The following ALMS1 variants were observed in gnomAD, a reference collection of about 807,000 sequenced individuals.
ALMS1 encodes ALMS1 centrosome and basal body associated protein.
A neutral mutation model predicts 352.2 loss-of-function variants in ALMS1; 271 were observed. That is an observed-to-expected ratio of 0.77 (90% CI 0.70 to 0.85). The LOEUF (loss-of-function observed/expected upper bound fraction) is 0.85, where lower values mean the gene tolerates loss of function less well. Ranked by LOEUF, ALMS1 falls within the 40% of genes least tolerant of loss-of-function variation. The pLI is 0.00. For synonymous variants in ALMS1, 1,865 were observed against 1,761.2 expected (o/e 1.06, Z -1.48); for missense variants, 5,445 against 4,870.7 (o/e 1.12, Z -3.51).
At chr2:73,413,356 T>C (rs1671117529) in intron 2 of ALMS1, among the ~76,000 whole-genome samples, 1 of 152,226 alleles carries the variant, frequency 6.6e-6, no homozygotes, top group Admixed American at 6.5e-5. Flanking sequence ...TTTATATTTC[T>C]TGTGTACTAT....
intron 10 of ALMS1, among the ~76,000 whole-genome samples, chr2:73,516,148 G>A (rs1268427661): frequency 4.6e-5 from 7 of 152,010 alleles, no homozygotes; most frequent in African/African-American, 1.2e-4. Flanking sequence ...ATGAACAGAC[G>A]CTTCTCAAAA....
rs1057524276 is a variant in ALMS1, at chr2:73,386,004, G to A, written c.136G>A (p.Val46Met). 2 of 1,560,078 alleles carry A rather than the reference G, an allele frequency of 1.3e-6. No homozygotes were observed. The highest frequency in any genetic ancestry group is 1.4e-5 in the African/African-American group (1 of 73,122). ...NVDDVVVVEE[V>M]EEEAGRELDS... ...GGACGACGTAGTGGTCGTGGAGGAG[G>A]TGGAGGAAGAGGCGGGGCGGGAGTT... is the stretch of plus-strand genomic sequence containing the variant. Residue 46 changes from valine (V) to methionine (M), a missense_variant, in exon 1 of 23, where the codon GTG becomes ATG. Transcript: ENST00000613296.
intron 16 of ALMS1, among the ~76,000 whole-genome samples, chr2:73,581,820 C>G (rs777875603): frequency 1.1e-4 from 16 of 151,716 alleles, no homozygotes; most frequent in Non-Finnish European, 2.4e-4. Context: ...TCTCAGCTCA[C>G]TGCAACCTCT....
intron 21 of ALMS1, chr2:73,603,907 T>G (rs1008242827): frequency 2.0e-5 from 3 of 153,500 alleles, no homozygotes; most frequent in Non-Finnish European, 4.3e-5. Flanking sequence ...TAAATATGTA[T>G]TTAGACCACA....
intron 11 of ALMS1, among the ~76,000 whole-genome samples, chr2:73,529,039 GTTTTTTTT>G (rs34604396): frequency 4.0e-5 from 4 of 99,512 alleles, no homozygotes; most frequent in Non-Finnish European, 8.1e-5. Context: ...CCTCAAAGCA[GTTTTTTTT>G]TTTTTTTTTT....
At chr2:73,551,629 T>A (rs1674437037) in intron 13 of ALMS1, among the ~76,000 whole-genome samples, 1 of 151,626 alleles carries the variant, frequency 6.6e-6, no homozygotes. Flanking sequence ...AGAGGTGGGG[T>A]TTCACCATGT....
intron 12 of ALMS1, among the ~76,000 whole-genome samples, chr2:73,540,773 G>A (rs888988583): frequency 2.4e-4 from 36 of 152,254 alleles, no homozygotes; most frequent in African/African-American, 7.2e-4. Context: ...AAAAGAGGCA[G>A]AGAAGGCCAT....
chr2:73,582,753 A>T (rs1040608098), intron 16 of ALMS1, among the ~76,000 whole-genome samples: 1 of 152,064 alleles, frequency 6.6e-6, no homozygotes, highest in African/African-American at 2.4e-5. Flanking sequence ...TACATATACC[A>T]CATTTTGTTT....
At chr2:73,403,233 T>A (rs934070350) in intron 1 of ALMS1, among the ~76,000 whole-genome samples, 4 of 152,196 alleles carry the variant, frequency 2.6e-5, no homozygotes, top group African/African-American at 9.7e-5. Context: ...AGGTCCAATT[T>A]CATTCTTTTG....
chr2:73,527,136 A>G (rs1251999073), intron 11 of ALMS1, among the ~76,000 whole-genome samples: 6 of 152,108 alleles, frequency 3.9e-5, no homozygotes, highest in African/African-American at 1.2e-4. Flanking sequence ...GTCATGATGA[A>G]TGATCTTTTT....
At chr2:73,540,647 C>T (rs527661934) in intron 12 of ALMS1, among the ~76,000 whole-genome samples, 81 of 152,244 alleles carry the variant, frequency 5.3e-4, no homozygotes, top group African/African-American at 1.9e-3. Flanking sequence ...TGCAGAGTCA[C>T]ACATAGGCTC....
intron 15 of ALMS1, among the ~76,000 whole-genome samples, chr2:73,563,379 A>C (rs1674706150): frequency 1.3e-5 from 2 of 152,174 alleles, no homozygotes; most frequent in African/African-American, 4.8e-5. Flanking sequence ...AAATTCATAA[A>C]ACGAAAACCA....
intron 1 of ALMS1, among the ~76,000 whole-genome samples, chr2:73,398,561 G>A (rs1320298093): frequency 6.6e-6 from 1 of 152,056 alleles, no homozygotes; most frequent in African/African-American, 2.4e-5. Flanking sequence ...ACAATATTGA[G>A]TATTTCATGA....
At chr2:73,455,341 G>C in intron 9 of ALMS1, 46 bp downstream of exon 9, 1 of 1,608,870 alleles carries the variant, frequency 6.2e-7, no homozygotes, top group Non-Finnish European at 8.5e-7. Context: ...TGAAAGAATG[G>C]GTGATGGAAT....
At chr2:73,422,569 T>C (rs1420910376) in intron 3 of ALMS1, among the ~76,000 whole-genome samples, 2 of 152,158 alleles carry the variant, frequency 1.3e-5, no homozygotes, top group African/African-American at 4.8e-5. Flanking sequence ...AGTTACTTAA[T>C]GCTTTGTAAG....
intron 9 of ALMS1, among the ~76,000 whole-genome samples, chr2:73,473,111 T>TGAGAAGACCC (rs1391178395): frequency 6.6e-6 from 1 of 152,054 alleles, no homozygotes. Flanking sequence ...AGAGAAGGCT[T>TGAGAAGACCC]GAGAAGACCC....
At chr2:73,596,860 C>CTTTTTTTTTTTTTTTTT (rs70965740) in intron 16 of ALMS1, among the ~76,000 whole-genome samples, 10 of 104,246 alleles carry the variant, frequency 9.6e-5, no homozygotes, top group African/African-American at 1.1e-4. Flanking sequence ...CCCTCTACCT[C>CTTTTTTTTTTTTTTTTT]TTTTTTTTTT....
intron 10 of ALMS1, among the ~76,000 whole-genome samples, chr2:73,500,586 A>G (rs1238313384): frequency 6.6e-6 from 1 of 152,048 alleles, no homozygotes; most frequent in African/African-American, 2.4e-5. Context: ...TAATATACAG[A>G]GATAAGGAAA....
Position 73,449,756 on chromosome 2 carries a change from T to G in ALMS1, c.3229T>G (p.Ser1077Ala), listed in dbSNP as rs1337634012. 1 of 1,614,122 alleles carries G rather than the reference T, an allele frequency of 6.2e-7. No homozygotes were observed. Among genetic ancestry groups the G allele is most frequent in the Non-Finnish European group, 8.5e-7 (1 of 1,179,980 alleles). Residue 1077 changes from serine (S) to alanine (A), a missense_variant, in exon 8 of 23, where the codon TCA becomes GCA. Transcript: ENST00000613296. ...SHLPEESLKV[S>A]AFPGPADQMT... ...TCTACCTGAAGAGAGTCTGAAAGTT[T>G]CAGCCTTCCCTGGACCAGCTGACCA... is the stretch of plus-strand genomic sequence containing the variant.
Sources: allele counts gnomAD v4.1 joint callset (sites outside exome capture counted in the v4.1 genomes callset), GRCh38; gene constraint gnomAD v4.1.1; transcripts MANE v1.5; gene names NCBI Gene and HGNC (gene_info 2026-07-23, HGNC 2026-07-21).